Variants in CNTN1 observed in about 807,000 individuals in gnomAD.
CNTN1 encodes the protein contactin 1, also known as contactin-1.
In CNTN1, 38 loss-of-function variants were observed where a neutral mutation model predicts 126.4. The observed-to-expected ratio is 0.30, with a 90% CI of 0.23 to 0.39. The LOEUF is 0.39. CNTN1 is among the 10% of genes least tolerant of loss of function. CNTN1 has a pLI of 1.00. For missense variants in CNTN1, 1,009 were observed against 1,248.4 expected (o/e 0.81, Z 2.89); for synonymous variants, 413 against 422.6 (o/e 0.98, Z 0.28).
chr12:40,828,499 G>T (rs113154662), intron 1 of CNTN1, among the ~76,000 whole-genome samples: 23 of 152,094 alleles, frequency 1.5e-4, no homozygotes, highest in African/African-American at 5.3e-4. Flanking sequence ...ATTTTATCTT[G>T]CATGCAAAAG....
At chr12:40,861,305 G>A (rs1430211554) in intron 1 of CNTN1, among the ~76,000 whole-genome samples, 1 of 151,678 alleles carries the variant, frequency 6.6e-6, no homozygotes, top group Admixed American at 6.6e-5. Context: ...TTTATCTAAT[G>A]CTCCTAGCAC....
intron 1 of CNTN1, among the ~76,000 whole-genome samples, chr12:40,789,056 A>T (rs1426080293): frequency 6.6e-6 from 1 of 152,174 alleles, no homozygotes; most frequent in Admixed American, 6.5e-5. Context: ...CAGATTATTT[A>T]GTATAATTCC....
At chr12:40,827,753 T>C (rs1024118371) in intron 1 of CNTN1, among the ~76,000 whole-genome samples, 1 of 152,098 alleles carries the variant, frequency 6.6e-6, no homozygotes, top group Non-Finnish European at 1.5e-5. Flanking sequence ...TAGGTTGTAA[T>C]TTTATTTGTG....
Position 40,965,957 on chromosome 12 carries a change from A to G in CNTN1, c.1804+6723A>G, listed in dbSNP as rs528968937. Among the ~76,000 whole-genome samples, 255 of 151,912 alleles carry G rather than the reference A, an allele frequency of 1.7e-3. 7 individuals are homozygous for G. The highest frequency in any genetic ancestry group is 0.017 in the Admixed American group (253 of 15,220). ...CATAAAAGTTCTATATAATATACAC[A>G]CCAAGTTAAACAGGCGTGTAAGTAT... On this transcript the variant is annotated intron_variant, in intron 15 of 23. Transcript: ENST00000551295.
Position 41,070,102 on chromosome 12 carries a change from A to C in CNTN1, c.*67A>C. ...CACCCTTCAACCCTGGGATGACCAC[A>C]ATTCCTTCCAATTTCTGCGGCTCCA... On this transcript the variant is annotated 3_prime_UTR_variant, in exon 24 of 24. Transcript: ENST00000551295. 7.4e-7 allele frequency: 1 copy of C among 1,354,774 alleles called. No individual in the cohort carries two copies. The highest frequency in any genetic ancestry group is 1.1e-6 in the Non-Finnish European group (1 of 945,996). 83.9% of individuals were successfully genotyped at this position (1,354,774 alleles called of 1,614,324 possible). A position where few individuals can be genotyped will look rare whatever the true frequency, so the allele number is the denominator to read the frequency against.
intron 1 of CNTN1, among the ~76,000 whole-genome samples, chr12:40,840,304 A>T (rs1391378505): frequency 2.0e-5 from 3 of 152,078 alleles, no homozygotes; most frequent in Non-Finnish European, 4.4e-5. Context: ...TAACAATTCT[A>T]TATATACATG....
chr12:40,776,598 A>C (rs1203953743), intron 1 of CNTN1, among the ~76,000 whole-genome samples: 3 of 151,680 alleles, frequency 2.0e-5, no homozygotes, highest in African/African-American at 7.3e-5. Flanking sequence ...AACAAACAGG[A>C]AACAAACAAA....
chr12:40,929,913 A>G lies in CNTN1; in HGVS notation c.614A>G (p.Asp205Gly). ...NLYIANVEAS[D>G]KGNYSCFVSS... ...TACATTGCAAATGTTGAGGCTTCCG[A>G]CAAAGGCAATTATTCCTGCTTTGTT... The change falls in exon 7 of 24, where the codon GAC becomes GGC. Residue 205 changes from aspartate to glycine, a missense_variant. Transcript: ENST00000551295. The G allele has an allele frequency of 6.2e-7, 1 of 1,613,032 alleles. No homozygotes were observed.
At chr12:40,816,754 CT>C (rs1941269048) in intron 1 of CNTN1, among the ~76,000 whole-genome samples, 1 of 151,986 alleles carries the variant, frequency 6.6e-6, no homozygotes, top group Non-Finnish European at 1.5e-5. Context: ...ATTTGAGATC[CT>C]TTTAGCTTTC....
chr12:40,911,088 T>G (rs554267641), intron 3 of CNTN1, among the ~76,000 whole-genome samples: 58 of 152,226 alleles, frequency 3.8e-4, no homozygotes, highest in African/African-American at 1.3e-3. Context: ...TTTATTTATT[T>G]ATTTATTTTT....
intron 4 of CNTN1, among the ~76,000 whole-genome samples, chr12:40,921,530 T>A (rs1481862640): frequency 6.6e-6 from 1 of 152,206 alleles, no homozygotes; most frequent in Non-Finnish European, 1.5e-5. Flanking sequence ...ATGCTCTGAT[T>A]ATCTGCAGCA....
At chr12:40,740,194 T>C (rs1278333517) in intron 1 of CNTN1, among the ~76,000 whole-genome samples, 1 of 152,088 alleles carries the variant, frequency 6.6e-6, no homozygotes, top group Non-Finnish European at 1.5e-5. Context: ...CAGAGGAGTA[T>C]GTAAATAATC....
chr12:41,046,847 CTTTT>C (rs56655599), intron 23 of CNTN1, among the ~76,000 whole-genome samples: 14 of 118,992 alleles, frequency 1.2e-4, no homozygotes, highest in African/African-American at 4.2e-4. Context: ...TTGCTTATTT[CTTTT>C]TTTTTTTTTT....
At chr12:40,706,822 A>G (rs1298273771) in intron 1 of CNTN1, among the ~76,000 whole-genome samples, 1 of 152,192 alleles carries the variant, frequency 6.6e-6, no homozygotes, top group African/African-American at 2.4e-5. Context: ...TTTACAGTTC[A>G]TAAGAATTAC....
intron 23 of CNTN1, among the ~76,000 whole-genome samples, chr12:41,042,609 A>C (rs943339492): frequency 3.9e-5 from 6 of 152,068 alleles, no homozygotes; most frequent in Non-Finnish European, 7.4e-5. Context: ...CATCCCCCTC[A>C]AGCTACCAAT....
chr12:40,836,957 C>T (rs1942082472), intron 1 of CNTN1, among the ~76,000 whole-genome samples: 1 of 152,116 alleles, frequency 6.6e-6, no homozygotes, highest in Non-Finnish European at 1.5e-5. Context: ...TTCCATATCA[C>T]CATAATTTTG....
chr12:40,797,978 C>G (rs188494199), intron 1 of CNTN1, among the ~76,000 whole-genome samples: 1 of 151,668 alleles, frequency 6.6e-6, no homozygotes, highest in Non-Finnish European at 1.5e-5. Context: ...TATATATACC[C>G]GAGTGTAATA....
At chr12:40,721,692 C>T (rs1439467458) in intron 1 of CNTN1, among the ~76,000 whole-genome samples, 1 of 90,638 alleles carries the variant, frequency 1.1e-5, no homozygotes, top group Non-Finnish European at 2.2e-5. Context: ...CTAATGCTAT[C>T]CCTCCCCCCT....
chr12:40,808,886 A>G lies in CNTN1; in HGVS notation c.-76-99471A>G, dbSNP rs565905146. On this transcript the variant is annotated intron_variant, in intron 1 of 23. Transcript: ENST00000551295. ...TTGAATTCATACATCTGCATGGTCC[A>G]AACTGGTTTTTCTTTCACTTCCATT... 2.6e-5 allele frequency among the ~76,000 whole-genome samples: 4 copies of G among 152,326 alleles called. No individual in the cohort carries two copies. The South Asian group carries it at 6.2e-4, about 24-fold the overall frequency.
Sources: allele counts gnomAD v4.1 joint callset (sites outside exome capture counted in the v4.1 genomes callset), GRCh38; gene constraint gnomAD v4.1.1; transcripts MANE v1.5; gene names NCBI Gene and HGNC (gene_info 2026-07-23, HGNC 2026-07-21).